Variants in TMEM184A observed in about 807,000 individuals in gnomAD.
The protein encoded by TMEM184A is transmembrane protein 184A, also known as sexually dimorphic, expressed in male gonads 1.
A neutral mutation model predicts 39.5 loss-of-function variants in TMEM184A; 40 were observed. The ratio of observed to expected loss-of-function variants is 1.01; its 90% CI spans 0.79 to 1.32. The LOEUF is 1.32. Ranked by LOEUF, TMEM184A falls within the 40% of genes most tolerant of loss-of-function variation. TMEM184A has a pLI of 0.00. For synonymous variants in TMEM184A, 280 were observed against 252.3 expected (o/e 1.11, Z -1.04); for missense variants, 603 against 568.8 (o/e 1.06, Z -0.61).
Position 1,555,151 on chromosome 7 carries a change from G to C in TMEM184A, c.219+115C>G. 1.1e-6 allele frequency: 1 copy of C among 872,064 alleles called. No homozygotes were observed. The highest frequency in any genetic ancestry group is 1.7e-6 in the Non-Finnish European group (1 of 592,302). 54.0% of individuals were successfully genotyped at this position (872,064 alleles called of 1,614,324 possible). On this transcript the variant is annotated intron_variant, in intron 2 of 8. Transcript: ENST00000297477. The surrounding 1 kb of genome is among the most constrained non-coding windows in gnomAD (Gnocchi z 5.2). ...TCATCCCCTCCCCCGTGCCCTGGCC[G>C]ATCCCACTTCTGACAGCGTCTATAG...
intron 6 of TMEM184A, chr7:1,549,173 C>T (rs1203564147): frequency 2.2e-6 from 1 of 458,634 alleles, no homozygotes; most frequent in Non-Finnish European, 4.4e-6. Context: ...AGTGTACATA[C>T]ATGTGTGGTG....
At chr7:1,552,066 A>C (rs1385780619) in intron 2 of TMEM184A, among the ~76,000 whole-genome samples, 1 of 151,890 alleles carries the variant, frequency 6.6e-6, no homozygotes, top group Non-Finnish European at 1.5e-5. Flanking sequence ...GCAGCCTTGA[A>C]CTCCCGGGCT....
Position 1,550,143 on chromosome 7 carries a change from A to G in TMEM184A, c.532T>C (p.Phe178Leu), listed in dbSNP as rs1164246738. ...CTCACCTGCTTACAGAAGCGCAGGA[A>G]CCCGATGGAGTAGGTCATGCCCCGG... is the stretch of plus-strand genomic sequence containing the variant. ...CLRGMTYSIG[F>L]LRFCKQATLQ... The change falls in exon 5 of 9, where the codon TTC becomes CTC. Residue 178 changes from phenylalanine (F) to leucine (L), a missense_variant. Transcript: ENST00000297477. 2 of 1,606,882 alleles carry G rather than the reference A, an allele frequency of 1.2e-6. No homozygotes were observed. Among genetic ancestry groups the G allele is most frequent in the Non-Finnish European group, 1.7e-6 (2 of 1,177,524 alleles).
chr7:1,554,380 G>A (rs1778463753), intron 2 of TMEM184A, among the ~76,000 whole-genome samples: 1 of 152,148 alleles, frequency 6.6e-6, no homozygotes, highest in African/African-American at 2.4e-5. Context: ...CCGGGAAGCA[G>A]CTCTGCCCTC....
rs1299873423 is a variant in TMEM184A at position 1,555,607 on chromosome 7, AGGCCGCACCCCCCACAC to A, written c.1-140_1-124del. 1.3e-6 allele frequency: 1 copy of A among 745,858 alleles called. No individual in the cohort carries two copies. Among genetic ancestry groups the A allele is most frequent in the Non-Finnish European group, 2.3e-6 (1 of 430,792 alleles). 46.2% of individuals were successfully genotyped at this position (745,858 alleles called of 1,614,324 possible). Reference sequence around the variant, plus strand: ...GGGAGCTGAGGCTGAGCCACCCACCAGGCCGCACCCCCCACACGGACACCAGCGCCAGGCCCGGCTCC... The same window carrying A: ...GGGAGCTGAGGCTGAGCCACCCACCAGGACACCAGCGCCAGGCCCGGCTCC... On this transcript the variant is annotated intron_variant, in intron 1 of 8. Coordinates refer to ENST00000297477, the MANE Select transcript of TMEM184A (RefSeq NM_001097620.2). This position sits in a 1 kb window ranked among gnomAD's most constrained non-coding sequence, Gnocchi z 5.2.
rs1002071299 is a variant in TMEM184A, at chr7:1,555,875, T to C, written c.-1+239A>G. The stretch of plus-strand genomic sequence containing the variant: ...CTGGGGAGCGGGCGCAGACCAGCAC[T>C]GCCTGCCCCGGCAGGAGGGGGTGTG... On this transcript the variant is annotated intron_variant, in intron 1 of 8. Transcript: ENST00000297477. The surrounding 1 kb of genome is among the most constrained non-coding windows in gnomAD (Gnocchi z 5.2). 1 of 281,334 alleles carries C rather than the reference T, an allele frequency of 3.6e-6. No homozygotes were observed. Among genetic ancestry groups the C allele is most frequent in the African/African-American group, 2.3e-5 (1 of 42,974 alleles). 17.4% of individuals were successfully genotyped at this position (281,334 alleles called of 1,614,324 possible).
chr7:1,543,380 C>T lies in TMEM184A; in HGVS notation c.*3572G>A, dbSNP rs1784248812. The T allele has an allele frequency of 1.3e-5, 2 of 152,286 alleles. No homozygotes were observed. The highest frequency in any genetic ancestry group is 4.8e-5 in the African/African-American group (2 of 41,452). The allele number at this position is 152,286 out of a possible 1,614,324, so 9.4% of individuals were successfully genotyped here. On this transcript the variant is annotated 3_prime_UTR_variant, in exon 9 of 9. Coordinates refer to ENST00000297477, the MANE Select transcript of TMEM184A (RefSeq NM_001097620.2). ...CAGCACGGCTGTCAGTGTTCCCCTT[C>T]CCTGGGAGACATCTCGCCCAGCTTT...
Position 1,551,705 on chromosome 7 carries a change from G to A in TMEM184A, c.220-723C>T, listed in dbSNP as rs553704183. Among the ~76,000 whole-genome samples the A allele has an allele frequency of 2.6e-5, 4 of 152,212 alleles. No homozygotes were observed. The South Asian group carries it at 8.3e-4, about 32-fold the overall frequency. On this transcript the variant is annotated intron_variant, in intron 2 of 8. Transcript: ENST00000297477. ...TAATCCCAGCACTTTGGGAGGCCGA[G>A]GTGGGTGGATCATTTGAGGTCAGGA... is the stretch of plus-strand genomic sequence containing the variant.
Position 1,548,706 on chromosome 7 carries a change from T to C in TMEM184A, c.645-18A>G, listed in dbSNP as rs1784451974. On this transcript the variant is annotated intron_variant, in intron 6 of 8. Transcript: ENST00000297477. ...TGCGGACACTAGGACAGACGGGGGC[T>C]GTGGTCAGGGCGGTCCCATGACCCC... 1 of 1,607,930 alleles carries C rather than the reference T, an allele frequency of 6.2e-7. No homozygotes were observed. Among genetic ancestry groups the C allele is most frequent in the Non-Finnish European group, 8.5e-7 (1 of 1,177,454 alleles).
At position 1,550,841 on chromosome 7, in the gene TMEM184A, C is replaced by T. The variant is rs766787488; in HGVS notation, c.361G>A (p.Asp121Asn). ...CCTTCGTAGCAGTCCCGCACAGAGT[C>T]GAAGTAGACGTAGTACTGGTGGTCT... ...LGDHQYYVYF[D>N]SVRDCYEAFV... Residue 121 changes from aspartate to asparagine, a missense_variant, in exon 3 of 9, where the codon GAC (aspartate) becomes AAC (asparagine). By Grantham distance (23) the Asp-to-Asn change is conservative. Coordinates refer to ENST00000297477, the MANE Select transcript of TMEM184A (RefSeq NM_001097620.2). The T allele has an allele frequency of 8.9e-5, 143 of 1,613,168 alleles. No individual in the cohort carries two copies. Among genetic ancestry groups the T allele is most frequent in the Non-Finnish European group, 1.0e-4 (122 of 1,179,942 alleles).
chr7:1,543,232 T>G lies in TMEM184A; in HGVS notation c.*3720A>C, dbSNP rs1376710061. ...GGGACAGCCACGGGGGAGGTGCTGGTCAGGTGACCACGTCCTGGGCTCAGT... is the reference window on the plus strand; with the variant it reads ...GGGACAGCCACGGGGGAGGTGCTGGGCAGGTGACCACGTCCTGGGCTCAGT... On this transcript the variant is annotated 3_prime_UTR_variant, in exon 9 of 9. Coordinates refer to ENST00000297477, the MANE Select transcript of TMEM184A (RefSeq NM_001097620.2). 1 of 152,218 alleles carries G rather than the reference T, an allele frequency of 6.6e-6. No individual in the cohort carries two copies. The highest frequency in any genetic ancestry group is 2.4e-5 in the African/African-American group (1 of 41,376). The allele number at this position is 152,218 out of a possible 1,614,324, so 9.4% of individuals were successfully genotyped here.
intron 6 of TMEM184A, chr7:1,549,214 GCATGTGTGAA>G: frequency 2.2e-6 from 1 of 455,956 alleles, no homozygotes; most frequent in Non-Finnish European, 4.4e-6. Context: ...TGTGCTGTGT[GCATGTGTGAA>G]CATGTGATGC....
At position 1,542,595 on chromosome 7, in the gene TMEM184A, C is replaced by G. The variant is rs534501089; in HGVS notation, c.*4357G>C. The G allele has an allele frequency of 6.6e-6, 1 of 152,436 alleles. No individual in the cohort carries two copies. Among genetic ancestry groups the G allele is most frequent in the Admixed American group, 6.5e-5 (1 of 15,314 alleles). 9.4% of individuals were successfully genotyped at this position (152,436 alleles called of 1,614,324 possible). On this transcript the variant is annotated 3_prime_UTR_variant, in exon 9 of 9. Transcript: ENST00000297477. The stretch of plus-strand genomic sequence containing the variant: ...ACGGAGCCGCTGTCACCGCCCAGAG[C>G]TGGGCCGGGGAAGCACGGTGTGTTC...
In TMEM184A at chr7:1,550,674, T is replaced by C. The variant is rs1784554064; in HGVS notation, c.385+143A>G. 5.4e-6 allele frequency: 6 copies of C among 1,119,352 alleles called. No individual in the cohort carries two copies. The South Asian group carries it at 7.4e-5, about 14-fold the overall frequency. The allele number at this position is 1,119,352 out of a possible 1,614,324, so 69.3% of individuals were successfully genotyped here. On this transcript the variant is annotated intron_variant, in intron 3 of 8. Transcript: ENST00000297477. ...TGTGTTCCAGGCCTGCCAGCGCCGC[T>C]AACCCTGACTATCCTGGCAGCCCCT...
rs114619432 is a variant in TMEM184A at position 1,543,947 on chromosome 7, C to A, written c.*3005G>T. ...TGCACCCGATCATAATCCCAACTCG[C>A]AGCATCTGTGTGGCCTGGGGCCAGT... On this transcript the variant is annotated 3_prime_UTR_variant, in exon 9 of 9. Transcript: ENST00000297477. 1.9e-4 allele frequency: 29 copies of A among 152,384 alleles called. No homozygotes were observed. The highest frequency in any genetic ancestry group is 7.0e-4 in the African/African-American group (29 of 41,576). The allele number at this position is 152,384 out of a possible 1,614,324, so 9.4% of individuals were successfully genotyped here. A position where few individuals can be genotyped will look rare whatever the true frequency, so the allele number is the denominator to read the frequency against.
Position 1,543,535 on chromosome 7 carries a change from C to T in TMEM184A, c.*3417G>A, listed in dbSNP as rs1339400788. ...CTCCGAAAAGCCACGGGCCTGCCCGCATGCCGTCCCCACCCCGCCCGGCCT... is the reference window on the plus strand; with the variant it reads ...CTCCGAAAAGCCACGGGCCTGCCCGTATGCCGTCCCCACCCCGCCCGGCCT... On this transcript the variant is annotated 3_prime_UTR_variant, in exon 9 of 9. Coordinates refer to ENST00000297477, the MANE Select transcript of TMEM184A (RefSeq NM_001097620.2). 1 of 152,430 alleles carries T rather than the reference C, an allele frequency of 6.6e-6. No homozygotes were observed. Among genetic ancestry groups the T allele is most frequent in the Non-Finnish European group, 1.5e-5 (1 of 68,186 alleles). The allele number at this position is 152,430 out of a possible 1,614,324, so 9.4% of individuals were successfully genotyped here.
rs1784319351 is a variant in TMEM184A, at chr7:1,545,625, AACTG to A, written c.*1323_*1326del. On this transcript the variant is annotated 3_prime_UTR_variant, in exon 9 of 9. Coordinates refer to ENST00000297477, the MANE Select transcript of TMEM184A (RefSeq NM_001097620.2). ...TGTGCTGCGGGCCCCAGACACACAG[AACTG>A]ACTGCCACCTGCAGGCCGGGTCACC... The A allele has an allele frequency of 1.3e-5, 2 of 152,682 alleles. No individual in the cohort carries two copies. Among genetic ancestry groups the A allele is most frequent in the Admixed American group, 6.5e-5 (1 of 15,286 alleles). 9.5% of individuals were successfully genotyped at this position (152,682 alleles called of 1,614,324 possible).
At position 1,555,538 on chromosome 7, in the gene TMEM184A, T is replaced by C; in HGVS notation, c.1-54A>G. The C allele has an allele frequency of 7.0e-7, 1 of 1,431,132 alleles. No homozygotes were observed. 88.7% of individuals were successfully genotyped at this position (1,431,132 alleles called of 1,614,324 possible). ...GAGGAGTGAGGGCAAAGGTACTGGC[T>C]CCCGGCAGCAGGAAGCAGCGGGGGA... is the stretch of plus-strand genomic sequence containing the variant. On this transcript the variant is annotated intron_variant, in intron 1 of 8. Coordinates refer to ENST00000297477, the MANE Select transcript of TMEM184A (RefSeq NM_001097620.2). The surrounding 1 kb of genome is among the most constrained non-coding windows in gnomAD (Gnocchi z 5.2).
chr7:1,551,176 G>A (rs1282582036), intron 2 of TMEM184A, among the ~76,000 whole-genome samples, 194 bp from the exon 3 acceptor site: 1 of 73,646 alleles, frequency 1.4e-5, no homozygotes, highest in Non-Finnish European at 3.0e-5. Context: ...CGTGAGAGCC[G>A]GGCCCGCCCT....
Sources: allele counts gnomAD v4.1 joint callset (sites outside exome capture counted in the v4.1 genomes callset), GRCh38; gene constraint gnomAD v4.1.1; non-coding constraint Gnocchi (gnomAD v3.1); transcripts MANE v1.5; gene names NCBI Gene and HGNC (gene_info 2026-07-23, HGNC 2026-07-21).